ZNF565: variants seen among roughly 807,000 people sequenced by gnomAD.
The protein encoded by ZNF565 is zinc finger protein 565.
ZNF565 carries 27 observed loss-of-function variants against 39.4 expected under a neutral mutation model. The ratio of observed to expected loss-of-function variants is 0.69; its 90% CI spans 0.51 to 0.95. The LOEUF is 0.95. Among genes scored for constraint, ZNF565 ranks in the 40% least tolerant of loss-of-function variants. The pLI is 0.00. For missense variants in ZNF565, 524 were observed against 621.1 expected, an observed-to-expected ratio of 0.84 and a Z score of 1.66; for synonymous variants, 185 against 216.6, an observed-to-expected ratio of 0.85 and a Z score of 1.28.
At chr19:36,197,735 G>C (rs543536311) in intron 2 of ZNF565, among the ~76,000 whole-genome samples, 3 of 152,148 alleles carry the variant, frequency 2.0e-5, no homozygotes, top group Non-Finnish European at 4.4e-5. Context: ...TGTACACTTT[G>C]TTGGGAATGT....
At position 36,202,067 on chromosome 19, in the gene ZNF565, G is replaced by C. The variant is rs747187646; in HGVS notation, c.-65-17C>G. 9.9e-5 allele frequency: 140 copies of C among 1,419,992 alleles called. No individual in the cohort carries two copies. Among genetic ancestry groups the C allele is most frequent in the South Asian group, 1.4e-4 (12 of 87,218 alleles). The allele number at this position is 1,419,992 out of a possible 1,614,324, so 88.0% of individuals were successfully genotyped here. Reference sequence around the variant, plus strand: ...TGCAGAGTCCTGAAAAAGCAAAATGGGGGGAGATGGGGTAACCTCTGATAA... The same window carrying C: ...TGCAGAGTCCTGAAAAAGCAAAATGCGGGGAGATGGGGTAACCTCTGATAA... On this transcript the variant is annotated splice_polypyrimidine_tract_variant and intron_variant, in intron 1 of 4. Coordinates refer to ENST00000304116, the MANE Select transcript of ZNF565 (RefSeq NM_152477.5).
At chr19:36,215,669 T>TA (rs1207911986), upstream of ZNF565, among the ~76,000 whole-genome samples, 7 of 152,226 alleles carry the variant, frequency 4.6e-5, no homozygotes, top group East Asian at 1.3e-3. Flanking sequence ...CTTTTTTTTT[T>TA]AATTAAACGA....
chr19:36,215,356 G>C (rs1195364525), upstream of ZNF565, among the ~76,000 whole-genome samples: 3 of 152,154 alleles, frequency 2.0e-5, 1 homozygote, highest in African/African-American at 7.2e-5. Context: ...GAGCGAGTGT[G>C]ACCGAGTTTG....
chr19:36,241,486 A>T (rs1450283703), intron 1 of ZNF565, among the ~76,000 whole-genome samples: 277 of 64,494 alleles, frequency 4.3e-3, no homozygotes, highest in African/African-American at 0.023. Context: ...CTCTGTATTA[A>T]AAAAAAAAAA....
intron 1 of ZNF565, among the ~76,000 whole-genome samples, chr19:36,209,399 G>A (rs998991604): frequency 1.3e-5 from 2 of 152,168 alleles, no homozygotes; most frequent in Admixed American, 6.6e-5. Flanking sequence ...GGAGGCTGAC[G>A]TGGGAAAATT....
intron 1 of ZNF565, among the ~76,000 whole-genome samples, chr19:36,207,778 C>T (rs1599941977): frequency 1.3e-5 from 2 of 152,118 alleles, no homozygotes; most frequent in African/African-American, 2.4e-5. Context: ...CAGTTAGAGA[C>T]AGACACCAGA....
In ZNF565 at chr19:36,182,884, T is replaced by C. The variant is rs1333627083; in HGVS notation, c.1082A>G (p.Lys361Arg). 4.3e-6 allele frequency: 7 copies of C among 1,613,972 alleles called. No individual in the cohort carries two copies. The highest frequency in any genetic ancestry group is 5.9e-6 in the Non-Finnish European group (7 of 1,180,036). ...TRHQRIHSGE[K>R]PYECKECGKA... Reference sequence around the variant, plus strand: ...CCCACATTCCTTACACTCATAGGGTTTCTCCCCAGAATGAATTCTTTGATG... The same window carrying C: ...CCCACATTCCTTACACTCATAGGGTCTCTCCCCAGAATGAATTCTTTGATG... Residue 361 changes from lysine (K) to arginine (R), a missense_variant, in exon 5 of 5, where the codon AAA (lysine) becomes AGA (arginine). Lys to Arg is a conservative substitution (Grantham distance 26). Transcript: ENST00000304116.
intron 1 of ZNF565, among the ~76,000 whole-genome samples, chr19:36,241,309 C>T (rs1166264468): frequency 6.6e-6 from 1 of 151,170 alleles, no homozygotes; most frequent in East Asian, 2.0e-4. Flanking sequence ...CATGGCAAAA[C>T]CCCGCCTCTA....
At position 36,245,910 on chromosome 19, in the gene ZNF565, TG is replaced by T. The variant is rs1261627961; in HGVS notation, c.-381del. The T allele has an allele frequency of 4.2e-6, 1 of 237,130 alleles. No individual in the cohort carries two copies. The highest frequency in any genetic ancestry group is 1.1e-4 in the East Asian group (1 of 9,136). 14.7% of individuals were successfully genotyped at this position (237,130 alleles called of 1,614,324 possible). The stretch of plus-strand genomic sequence containing the variant: ...ACCCGACCGGGATCGCCCCGCGAGA[TG>T]CAGTCGTTGAGGGAGTCAGGAGCCC... On this transcript the variant is annotated 5_prime_UTR_variant, in exon 1 of 5. Transcript: ENST00000355114. This position sits in a 1 kb window ranked among gnomAD's most constrained non-coding sequence, Gnocchi z 4.4.
chr19:36,238,719 A>G (rs1187649284), intron 1 of ZNF565: 1 of 167,090 alleles, frequency 6.0e-6, no homozygotes, highest in Non-Finnish European at 1.5e-5. Context: ...CTTGCTCTCT[A>G]TGTAATATGA....
chr19:36,233,804 A>ATTCC (rs1276449888), intron 1 of ZNF565, among the ~76,000 whole-genome samples: 1 of 152,204 alleles, frequency 6.6e-6, no homozygotes, highest in Non-Finnish European at 1.5e-5. Flanking sequence ...CCAGCTTTAC[A>ATTCC]CGGAGACATT....
intron 1 of ZNF565, chr19:36,237,290 A>G (rs901231276): frequency 1.5e-5 from 24 of 1,609,174 alleles, no homozygotes; most frequent in Non-Finnish European, 2.0e-5. Flanking sequence ...GTCACACCAC[A>G]TTAGACACCA....
At position 36,195,129 on chromosome 19, in the gene ZNF565, T is replaced by A. The variant is rs1172303330; in HGVS notation, c.37A>T (p.Ile13Leu). The change falls in exon 3 of 5, where the codon ATA becomes TTA. Residue 13 changes from isoleucine to leucine, a missense_variant. Ile to Leu is a conservative substitution (Grantham distance 5, BLOSUM62 2). Transcript: ENST00000304116. ...TTCCATTCTTCCAGAGAGAACTCTA[T>A]GGCCACGTCCCTGAATGTCACCAGT... ...QGLVTFRDVA[I>L]EFSLEEWKCL... 1 of 1,614,156 alleles carries A rather than the reference T, an allele frequency of 6.2e-7. No individual in the cohort carries two copies. The highest frequency in any genetic ancestry group is 8.5e-7 in the Non-Finnish European group (1 of 1,179,978).
chr19:36,240,640 G>A (rs530812284), intron 1 of ZNF565, among the ~76,000 whole-genome samples: 22 of 152,224 alleles, frequency 1.4e-4, no homozygotes, highest in South Asian at 6.2e-4. Context: ...AGGCCGAGGC[G>A]GGTGGATCAC....
rs551452280 is a variant in ZNF565 at position 36,202,138 on chromosome 19, T to C, written c.-65-88A>G. The C allele has an allele frequency of 3.8e-5, 28 of 743,538 alleles. No homozygotes were observed. In the African/African-American group the frequency reaches 4.5e-4, roughly 12 times the overall value. The allele number at this position is 743,538 out of a possible 1,614,324, so 46.1% of individuals were successfully genotyped here. A position where few individuals can be genotyped will look rare whatever the true frequency, so the allele number is the denominator to read the frequency against. ...CCCAAATAGATGAGCTTAAAAGAAT[T>C]GTACTTCCAATGTCTCGGATCTGCT... On this transcript the variant is annotated intron_variant, in intron 1 of 4. Transcript: ENST00000304116.
intron 4 of ZNF565, among the ~76,000 whole-genome samples, chr19:36,187,049 G>T (rs1443008544): frequency 2.6e-5 from 4 of 152,006 alleles, no homozygotes; most frequent in Non-Finnish European, 5.9e-5. Flanking sequence ...AATTATCTGG[G>T]CATGGTGGCA....
At chr19:36,232,563 A>G (rs1977428030) in intron 1 of ZNF565, among the ~76,000 whole-genome samples, 2 of 150,234 alleles carry the variant, frequency 1.3e-5, no homozygotes, top group African/African-American at 4.9e-5. Flanking sequence ...TAAATAATCT[A>G]TGAATTTTTT....
chr19:36,243,763 A>G (rs2972535), intron 1 of ZNF565, among the ~76,000 whole-genome samples: 104,738 of 151,450 alleles, frequency 0.69, 36,322 homozygotes, highest in Middle Eastern at 0.75. Flanking sequence ...TGGGGGTGGC[A>G]CGATCTTGGC....
intron 1 of ZNF565, among the ~76,000 whole-genome samples, chr19:36,244,084 C>G (rs955388495): frequency 3.3e-5 from 5 of 151,860 alleles, no homozygotes; most frequent in Admixed American, 1.3e-4. Context: ...CTGCCACTGC[C>G]GTAGCTGTCA....
Sources: allele counts gnomAD v4.1 joint callset (sites outside exome capture counted in the v4.1 genomes callset), GRCh38; gene constraint gnomAD v4.1.1; non-coding constraint Gnocchi (gnomAD v3.1); transcripts MANE v1.5; gene names NCBI Gene and HGNC (gene_info 2026-07-23, HGNC 2026-07-21).